The following TMEM233 variants were observed in gnomAD, a reference collection of about 807,000 sequenced individuals.
TMEM233 encodes the protein dispanin subfamily B member 2.
Under a neutral mutation model 11.2 loss-of-function variants are expected in TMEM233, and 6 were observed. That is an observed-to-expected ratio of 0.54 (90% CI 0.29 to 1.06). TMEM233 has a LOEUF of 1.06. Ranked by LOEUF, TMEM233 falls within the 50% of genes least tolerant of loss-of-function variation. The probability of loss-of-function intolerance (pLI) is 0.08; values close to 1 mark genes in which losing one functional copy is unlikely to be tolerated. For synonymous variants in TMEM233, 59 were observed against 55.8 expected, an observed-to-expected ratio of 1.06 and a Z score of -0.26; for missense variants, 127 against 144.7, an observed-to-expected ratio of 0.88 and a Z score of 0.63.
chr12:119,598,221 A>G (rs1256194820), intron 1 of TMEM233, among the ~76,000 whole-genome samples: 1 of 152,182 alleles, frequency 6.6e-6, no homozygotes, highest in Non-Finnish European at 1.5e-5. Flanking sequence ...CTGGATCTCA[A>G]AGAAGTGGGG....
chr12:119,610,840 C>T (rs1481480938), intron 1 of TMEM233, among the ~76,000 whole-genome samples: 1 of 152,166 alleles, frequency 6.6e-6, no homozygotes, highest in East Asian at 1.9e-4. Context: ...AGTCACTACT[C>T]ATCCCCACAA....
chr12:119,633,668 C>A (rs2136785932), intron 2 of TMEM233, among the ~76,000 whole-genome samples: 1 of 152,058 alleles, frequency 6.6e-6, no homozygotes, highest in Non-Finnish European at 1.5e-5. Flanking sequence ...GAGAGAGAGA[C>A]AGAGAGAAAG....
At chr12:119,630,575 TACA>T (rs1050894960) in intron 2 of TMEM233, among the ~76,000 whole-genome samples, 2 of 152,252 alleles carry the variant, frequency 1.3e-5, no homozygotes, top group African/African-American at 4.8e-5. Context: ...AAACTTTATT[TACA>T]ACAACAGGCA....
chr12:119,607,053 A>G (rs991088011), intron 1 of TMEM233, among the ~76,000 whole-genome samples: 3 of 152,252 alleles, frequency 2.0e-5, no homozygotes, highest in Non-Finnish European at 4.4e-5. Flanking sequence ...AAAAGTAGCC[A>G]TATACCCATT....
At chr12:119,612,079 C>T (rs779971577) in intron 1 of TMEM233, among the ~76,000 whole-genome samples, 4 of 151,944 alleles carry the variant, frequency 2.6e-5, no homozygotes, top group African/African-American at 7.2e-5. Flanking sequence ...CTGCAACCTC[C>T]GCCTCCCGGG....
At chr12:119,603,625 A>G (rs1440952539) in intron 1 of TMEM233, among the ~76,000 whole-genome samples, 1 of 151,916 alleles carries the variant, frequency 6.6e-6, no homozygotes, top group Non-Finnish European at 1.5e-5. Context: ...GCCTTTTTTG[A>G]TTGCCTCCTC....
chr12:119,637,942 GAC>G (rs1164316688), intron 2 of TMEM233, among the ~76,000 whole-genome samples: 69 of 152,310 alleles, frequency 4.5e-4, no homozygotes, highest in African/African-American at 1.6e-3. Flanking sequence ...TATCAAGGTT[GAC>G]CAGGATGTGA....
chr12:119,614,411 C>CGAGAGAGA (rs57846015), intron 1 of TMEM233, among the ~76,000 whole-genome samples: 1,504 of 143,606 alleles, frequency 0.01, 22 homozygotes, highest in African/African-American at 0.035. Flanking sequence ...TCCATCTCAA[C>CGAGAGAGA]GAGAGAGAGA....
chr12:119,630,453 A>T (rs1025862820), intron 2 of TMEM233, among the ~76,000 whole-genome samples: 2 of 152,244 alleles, frequency 1.3e-5, no homozygotes, highest in Non-Finnish European at 2.9e-5. Flanking sequence ...TAAGCCTTGC[A>T]GGCCATATGG....
intron 2 of TMEM233, among the ~76,000 whole-genome samples, chr12:119,636,290 A>G (rs1411173125): frequency 6.6e-6 from 1 of 152,088 alleles, no homozygotes; most frequent in Non-Finnish European, 1.5e-5. Flanking sequence ...CAAAACATCA[A>G]AACAAAAGAT....
Position 119,595,356 on chromosome 12 carries a change from CCATCAAGTCCGCCCA to C in TMEM233, c.186+1325_186+1339del, listed in dbSNP as rs1274046273. Among the ~76,000 whole-genome samples, 1 of 152,242 alleles carries C rather than the reference CCATCAAGTCCGCCCA, an allele frequency of 6.6e-6. No homozygotes were observed. The highest frequency in any genetic ancestry group is 1.9e-4 in the East Asian group (1 of 5,200). On this transcript the variant is annotated intron_variant, in intron 1 of 2. Transcript: ENST00000426426. This position sits in a 1 kb window ranked among gnomAD's most constrained non-coding sequence, Gnocchi z 4.3. ...GTGAAAATCGCTAGCCACCCGTCCC[CCATCAAGTCCGCCCA>C]CACTTGCCCACGGGTGGTGGCACCA...
intron 1 of TMEM233, among the ~76,000 whole-genome samples, chr12:119,612,626 C>T (rs1209062379): frequency 1.3e-5 from 2 of 151,938 alleles, no homozygotes; most frequent in African/African-American, 4.8e-5. Flanking sequence ...GTGGCGGGCA[C>T]CTGTAGTCCC....
chr12:119,621,437 C>A (rs1954642149), intron 1 of TMEM233, among the ~76,000 whole-genome samples: 1 of 152,206 alleles, frequency 6.6e-6, no homozygotes, highest in Non-Finnish European at 1.5e-5. Context: ...CCTGCCTCAG[C>A]CTCCCAAAGT....
In TMEM233 at chr12:119,643,005, T is replaced by G. The variant is rs1955107043; in HGVS notation, c.*2300T>G. The stretch of plus-strand genomic sequence containing the variant: ...TGTTTGTGCGTGTTTGGGTCCCTGG[T>G]CTTTTACCCAAATCAAATGAAAAGT... On this transcript the variant is annotated 3_prime_UTR_variant, in exon 3 of 3. Coordinates refer to ENST00000426426, the MANE Select transcript of TMEM233 (RefSeq NM_001136534.3). 1 of 152,226 alleles carries G rather than the reference T, an allele frequency of 6.6e-6. No individual in the cohort carries two copies. Among genetic ancestry groups the G allele is most frequent in the Non-Finnish European group, 1.5e-5 (1 of 68,052 alleles). 9.4% of individuals were successfully genotyped at this position (152,226 alleles called of 1,614,324 possible).
rs114508189 is a variant in TMEM233 at position 119,598,399 on chromosome 12, A to G, written c.186+4365A>G. ...CAAAACTGAACCAACTGGTCACTCT[A>G]ATTATGGATACACAATAACCAATGA... On this transcript the variant is annotated intron_variant, in intron 1 of 2. Transcript: ENST00000426426. Among the ~76,000 whole-genome samples, 531 of 152,328 alleles carry G rather than the reference A, an allele frequency of 3.5e-3. 1 individual carries two copies. Among genetic ancestry groups the G allele is most frequent in the African/African-American group, 0.012 (513 of 41,576 alleles).
At position 119,601,416 on chromosome 12, in the gene TMEM233, G is replaced by A. The variant is rs183492571; in HGVS notation, c.186+7382G>A. Among the ~76,000 whole-genome samples the A allele has an allele frequency of 3.8e-3, 584 of 152,234 alleles. 3 individuals carry two copies. Among genetic ancestry groups the A allele is most frequent in the African/African-American group, 0.013 (532 of 41,530 alleles). On this transcript the variant is annotated intron_variant, in intron 1 of 2. Coordinates refer to ENST00000426426, the MANE Select transcript of TMEM233 (RefSeq NM_001136534.3). Reference sequence around the variant, plus strand: ...TCAAGCCTGTAATCCCAGCACTTTGGGAGGCCGAGGCGGGCGGATCACGAG... The same window carrying A: ...TCAAGCCTGTAATCCCAGCACTTTGAGAGGCCGAGGCGGGCGGATCACGAG...
chr12:119,613,268 A>AT (rs930708409), intron 1 of TMEM233, among the ~76,000 whole-genome samples: 2 of 151,356 alleles, frequency 1.3e-5, no homozygotes, highest in South Asian at 4.2e-4. Flanking sequence ...AGCTGTATGA[A>AT]TTTTTTCTTT....
intron 1 of TMEM233, among the ~76,000 whole-genome samples, chr12:119,608,440 A>G (rs1448546197): frequency 6.6e-6 from 1 of 152,232 alleles, no homozygotes; most frequent in Non-Finnish European, 1.5e-5. Flanking sequence ...ATGTTTGATT[A>G]TAGCAAAGTC....
chr12:119,649,534 C>T, the TMEM233 span, among the ~76,000 whole-genome samples: 3 of 152,146 alleles, frequency 2.0e-5, no homozygotes, highest in Admixed American at 6.5e-5. Flanking sequence ...AATCACACAG[C>T]TTTGATGAAG....
Sources: allele counts gnomAD v4.1 joint callset (sites outside exome capture counted in the v4.1 genomes callset), GRCh38; gene constraint gnomAD v4.1.1; non-coding constraint Gnocchi (gnomAD v3.1); transcripts MANE v1.5; gene names NCBI Gene and HGNC (gene_info 2026-07-23, HGNC 2026-07-21).